VSTM4: variants seen among roughly 807,000 people sequenced by gnomAD.
The protein encoded by VSTM4 is V-set and transmembrane domain-containing protein 4.
In VSTM4, 20 loss-of-function variants were observed where a neutral mutation model predicts 36.4. The ratio of observed to expected loss-of-function variants is 0.55; its 90% CI spans 0.39 to 0.80. VSTM4 has a LOEUF of 0.80. Among genes scored for constraint, VSTM4 ranks in the 30% least tolerant of loss-of-function variants. VSTM4 has a pLI of 0.00. For synonymous variants in VSTM4, 182 were observed against 173.9 expected, an observed-to-expected ratio of 1.05 and a Z score of -0.37; for missense variants, 392 against 404.5, an observed-to-expected ratio of 0.97 and a Z score of 0.26.
chr10:49,051,951 C>T (rs1590088232), intron 5 of VSTM4, among the ~76,000 whole-genome samples: 2 of 49,746 alleles, frequency 4.0e-5, no homozygotes, highest in South Asian at 4.8e-4. Context: ...CTAAATTTTT[C>T]ATATTTATAT....
intron 5 of VSTM4, among the ~76,000 whole-genome samples, chr10:49,059,202 C>A (rs1843833251): frequency 6.6e-6 from 1 of 152,200 alleles, no homozygotes; most frequent in Non-Finnish European, 1.5e-5. Context: ...TGGGTCAAGG[C>A]CTGGCCCTAG....
intron 7 of VSTM4, among the ~76,000 whole-genome samples, chr10:49,044,936 C>G (rs1843583735): frequency 6.6e-6 from 1 of 152,130 alleles, no homozygotes; most frequent in African/African-American, 2.4e-5. Flanking sequence ...AAACCCGTCA[C>G]CAAACATTGA....
chr10:49,107,160 CCAGT>C (rs1377009650), intron 2 of VSTM4, among the ~76,000 whole-genome samples: 2 of 152,244 alleles, frequency 1.3e-5, no homozygotes, highest in Admixed American at 1.3e-4. Flanking sequence ...TTTAAAACAA[CCAGT>C]CATGTCTGCA....
chr10:49,065,767 AG>A (rs1843962569), intron 4 of VSTM4, among the ~76,000 whole-genome samples: 1 of 152,206 alleles, frequency 6.6e-6, no homozygotes, highest in African/African-American at 2.4e-5. Context: ...TGGAATTGAG[AG>A]CAGATAATAG....
In VSTM4 at chr10:49,036,879, G is replaced by GAA. The variant is rs1315235217; in HGVS notation, c.837+10102_837+10103dup. Among the ~76,000 whole-genome samples, 10 of 152,336 alleles carry GAA rather than the reference G, an allele frequency of 6.6e-5. No individual in the cohort carries two copies. In the East Asian group the frequency reaches 1.9e-3, roughly 29 times the overall value. On this transcript the variant is annotated intron_variant, in intron 7 of 7. Transcript: ENST00000332853. ...AGGGTCCCTCTGAACAAGGATGAAT[G>GAA]AACTACTTCCTTTCTGTCCATTTTG...
At chr10:49,103,935 C>T (rs1191528439) in intron 2 of VSTM4, 5 of 1,210,904 alleles carry the variant, frequency 4.1e-6, no homozygotes, top group East Asian at 4.7e-5. Context: ...GGCACTCAAA[C>T]CCCCAAGAGC....
At chr10:49,050,608 A>G (rs1272009635) in intron 5 of VSTM4, among the ~76,000 whole-genome samples, 1 of 152,226 alleles carries the variant, frequency 6.6e-6, no homozygotes, top group African/African-American at 2.4e-5. Context: ...ACAAATAGCC[A>G]AAAAGAATGT....
chr10:49,080,677 C>T (rs758096266), intron 3 of VSTM4, among the ~76,000 whole-genome samples: 14 of 152,208 alleles, frequency 9.2e-5, no homozygotes, highest in East Asian at 3.9e-4. Context: ...AGGGCTGGGG[C>T]GAGAGTTCTG....
rs1316300814 is a variant in VSTM4, at chr10:49,023,617, A to T, written c.838-3842T>A. The stretch of plus-strand genomic sequence containing the variant: ...TTGCAAAGCCTCACCTTTACTTCAG[A>T]TGATACAAGTTTACTGCTATCTTCA... On this transcript the variant is annotated intron_variant, in intron 7 of 7. Transcript: ENST00000332853. Among the ~76,000 whole-genome samples, 4 of 152,224 alleles carry T rather than the reference A, an allele frequency of 2.6e-5. No individual in the cohort carries two copies. In the East Asian group the frequency reaches 7.7e-4, roughly 29 times the overall value.
intron 5 of VSTM4, among the ~76,000 whole-genome samples, chr10:49,049,417 C>T (rs1304757522): frequency 1.3e-5 from 2 of 152,122 alleles, no homozygotes; most frequent in Admixed American, 6.5e-5. Flanking sequence ...AACTTGTTCT[C>T]GGTGCTACTC....
chr10:49,114,095 G>A (rs987936703), intron 1 of VSTM4, among the ~76,000 whole-genome samples: 3 of 152,140 alleles, frequency 2.0e-5, no homozygotes, highest in African/African-American at 7.2e-5. Flanking sequence ...GAGACCACGA[G>A]AACTGGCCCT....
At chr10:49,036,013 T>C (rs1156436627) in intron 7 of VSTM4, among the ~76,000 whole-genome samples, 1 of 152,164 alleles carries the variant, frequency 6.6e-6, no homozygotes, top group East Asian at 1.9e-4. Flanking sequence ...GCCTTGGCAC[T>C]AACTGTGTGG....
rs564572998 is a variant in VSTM4, at chr10:49,085,891, T to TA, written c.526+63dup. 974 of 1,040,804 alleles carry TA rather than the reference T, an allele frequency of 9.4e-4. 1 individual carries two copies. The highest frequency in any genetic ancestry group is 2.0e-3 in the South Asian group (129 of 63,414). 64.5% of individuals were successfully genotyped at this position (1,040,804 alleles called of 1,614,324 possible). ...GTACCCTAGAACTTAAAGTATAATT[T>TA]AAAAAAAAAGAAAAAGAAAAAGCAA... On this transcript the variant is annotated intron_variant, in intron 3 of 7. Transcript: ENST00000332853.
intron 2 of VSTM4, chr10:49,102,364 G>C: frequency 1.0e-6 from 1 of 971,836 alleles, no homozygotes; most frequent in Non-Finnish European, 1.2e-6. Flanking sequence ...TTGAACTCTT[G>C]ACTTCGTGAT....
At chr10:49,036,162 G>A (rs1170759117) in intron 7 of VSTM4, among the ~76,000 whole-genome samples, 1 of 152,122 alleles carries the variant, frequency 6.6e-6, no homozygotes, top group East Asian at 1.9e-4. Context: ...CTCTAGACTG[G>A]AGGAAGCCAT....
At chr10:49,030,661 T>C (rs1442365386) in intron 7 of VSTM4, among the ~76,000 whole-genome samples, 3 of 152,222 alleles carry the variant, frequency 2.0e-5, no homozygotes, top group African/African-American at 7.2e-5. Flanking sequence ...CTCAGGTCCT[T>C]GAGTCCAAAA....
chr10:49,029,492 G>A (rs1205300267), intron 7 of VSTM4, among the ~76,000 whole-genome samples: 1 of 152,166 alleles, frequency 6.6e-6, no homozygotes, highest in African/African-American at 2.4e-5. Context: ...CAGTGATTAT[G>A]GAGTCTGGAT....
chr10:49,097,941 C>T (rs1046690195), intron 2 of VSTM4, among the ~76,000 whole-genome samples: 1 of 152,088 alleles, frequency 6.6e-6, no homozygotes, highest in Non-Finnish European at 1.5e-5. Flanking sequence ...TTTTCTCTGG[C>T]CTAAGGGCAT....
At chr10:49,105,037 G>C (rs1324668677) in intron 2 of VSTM4, among the ~76,000 whole-genome samples, 2 of 141,486 alleles carry the variant, frequency 1.4e-5, no homozygotes, top group Non-Finnish European at 3.1e-5. Context: ...AGAGAGACCA[G>C]AGAGACAGAG....
Sources: allele counts gnomAD v4.1 joint callset (sites outside exome capture counted in the v4.1 genomes callset), GRCh38; gene constraint gnomAD v4.1.1; transcripts MANE v1.5; gene names NCBI Gene and HGNC (gene_info 2026-07-23, HGNC 2026-07-21).